The following STYX variants were observed in gnomAD, a reference collection of about 807,000 sequenced individuals.
STYX encodes the protein serine/threonine/tyrosine interacting protein.
In STYX, 20 loss-of-function variants were observed where a neutral mutation model predicts 42.7. The ratio of observed to expected loss-of-function variants is 0.47; its 90% CI spans 0.33 to 0.68. STYX has a LOEUF of 0.68. Among genes scored for constraint, STYX ranks in the 30% least tolerant of loss-of-function variants. The pLI, the probability that STYX is intolerant of heterozygous loss-of-function variation, is 0.02. For synonymous variants in STYX, 78 were observed against 81.9 expected, an observed-to-expected ratio of 0.95 and a Z score of 0.26; for missense variants, 226 against 268.5, an observed-to-expected ratio of 0.84 and a Z score of 1.11.
At chr14:52,756,493 T>A in intron 4 of STYX, 58 bp from the exon 5 acceptor site, 1 of 991,280 alleles carries the variant, frequency 1.0e-6, no homozygotes, top group East Asian at 2.6e-5. Context: ...GTTATTTTTT[T>A]AAAGTACCTT....
chr14:52,770,472 A>G (rs569360413), intron 10 of STYX, among the ~76,000 whole-genome samples: 2 of 152,186 alleles, frequency 1.3e-5, no homozygotes, highest in East Asian at 1.9e-4. Flanking sequence ...CTTTGATTCT[A>G]TGTGGGAGAT....
At position 52,751,724 on chromosome 14, in the gene STYX, A is replaced by T. The variant is rs149753434; in HGVS notation, c.242+944A>T. On this transcript the variant is annotated intron_variant, in intron 4 of 10. Transcript: ENST00000354586. Reference sequence around the variant, plus strand: ...TATTTTAACTTCATTTTTAAAATAGAGTATATTACGCATGGTACAAAAGTG... The same window carrying T: ...TATTTTAACTTCATTTTTAAAATAGTGTATATTACGCATGGTACAAAAGTG... 5.1e-3 allele frequency among the ~76,000 whole-genome samples: 776 copies of T among 152,340 alleles called. 5 individuals carry two copies. The highest frequency in any genetic ancestry group is 0.044 in the East Asian group (227 of 5,188).
chr14:52,764,055 C>T (rs1371779899), intron 9 of STYX, among the ~76,000 whole-genome samples: 2 of 151,860 alleles, frequency 1.3e-5, no homozygotes, highest in South Asian at 2.1e-4. Flanking sequence ...TGCAGTGGTG[C>T]GATCTCGGCT....
chr14:52,751,867 G>T (rs1040270154), intron 4 of STYX, among the ~76,000 whole-genome samples: 1 of 152,032 alleles, frequency 6.6e-6, no homozygotes, highest in Non-Finnish European at 1.5e-5. Flanking sequence ...AAGTATATAT[G>T]TTAAAAATAT....
intron 1 of STYX, chr14:52,731,795 G>C (rs1326863626): frequency 6.6e-6 from 1 of 151,926 alleles, no homozygotes; most frequent in East Asian, 1.9e-4. Context: ...AATTACATTT[G>C]TTTTAAGAGT....
intron 9 of STYX, among the ~76,000 whole-genome samples, chr14:52,764,075 C>G (rs1410590459): frequency 2.0e-5 from 3 of 152,132 alleles, no homozygotes; most frequent in Admixed American, 2.0e-4. Context: ...TCACTGCAAC[C>G]TCTGCCTCCT....
chr14:52,736,013 T>A (rs1880933848), intron 1 of STYX, among the ~76,000 whole-genome samples: 1 of 152,196 alleles, frequency 6.6e-6, no homozygotes, highest in Middle Eastern at 3.2e-3. Context: ...TCTGCATACC[T>A]CTCTAACCTC....
intron 9 of STYX, among the ~76,000 whole-genome samples, chr14:52,766,602 C>G (rs77690283): frequency 0.11 from 16,073 of 152,160 alleles, 903 homozygotes; most frequent in South Asian, 0.15. Flanking sequence ...GCCACTATAT[C>G]CGGCCAAGAT....
intron 1 of STYX, among the ~76,000 whole-genome samples, chr14:52,743,323 C>G (rs1034995724): frequency 9.2e-5 from 14 of 151,784 alleles, no homozygotes; most frequent in African/African-American, 3.4e-4. Context: ...AGCTCACTCC[C>G]GAAATCCCAG....
intron 2 of STYX, among the ~76,000 whole-genome samples, chr14:52,745,475 C>CT (rs1331968876): frequency 6.6e-6 from 1 of 152,154 alleles, no homozygotes; most frequent in Non-Finnish European, 1.5e-5. Flanking sequence ...AAATTGGATA[C>CT]TTTCTTTGTA....
At chr14:52,754,531 A>G (rs1456552022) in intron 4 of STYX, among the ~76,000 whole-genome samples, 2 of 152,246 alleles carry the variant, frequency 1.3e-5, no homozygotes, top group South Asian at 2.1e-4. Flanking sequence ...CTTATTCTTT[A>G]TAAGTACTTC....
intron 10 of STYX, among the ~76,000 whole-genome samples, chr14:52,770,265 T>C (rs1882460884): frequency 6.6e-6 from 1 of 152,154 alleles, no homozygotes; most frequent in African/African-American, 2.4e-5. Context: ...TAGTGAAACA[T>C]TCTTCAATTA....
At chr14:52,733,966 T>A (rs1404277558) in intron 1 of STYX, among the ~76,000 whole-genome samples, 3 of 152,180 alleles carry the variant, frequency 2.0e-5, no homozygotes, top group Non-Finnish European at 2.9e-5. Context: ...ACTTTCCCAT[T>A]GGCCATTCCA....
At chr14:52,732,455 A>G (rs1880770925) in intron 1 of STYX, among the ~76,000 whole-genome samples, 1 of 151,278 alleles carries the variant, frequency 6.6e-6, no homozygotes. Flanking sequence ...TTGTATTTTT[A>G]GTAGAGACGG....
At chr14:52,754,000 C>T (rs554200274) in intron 4 of STYX, among the ~76,000 whole-genome samples, 3 of 135,040 alleles carry the variant, frequency 2.2e-5, no homozygotes, top group South Asian at 2.4e-4. Context: ...GGCAATTCTT[C>T]TGCCTCAGCC....
At chr14:52,750,099 T>C (rs1881551043) in intron 3 of STYX, among the ~76,000 whole-genome samples, 1 of 152,224 alleles carries the variant, frequency 6.6e-6, no homozygotes. Flanking sequence ...ACTCAACCTG[T>C]ATTGAATATA....
Position 52,734,758 on chromosome 14 carries a change from AAAAG to A in STYX, c.57+4230_57+4233del, listed in dbSNP as rs1353003659. Among the ~76,000 whole-genome samples, 6 of 152,344 alleles carry A rather than the reference AAAAG, an allele frequency of 3.9e-5. No individual in the cohort carries two copies. In the South Asian group the frequency reaches 6.2e-4, roughly 16 times the overall value. ...GCAAGCAACAAAAACGAATTTAAGA[AAAAG>A]AAGAAGTAATTAAATCCGGCCGGGC... On this transcript the variant is annotated intron_variant, in intron 1 of 10. Coordinates refer to ENST00000354586, the MANE Select transcript of STYX (RefSeq NM_145251.4).
At chr14:52,758,023 T>G in intron 8 of STYX, 99 bp downstream of exon 8, 1 of 1,313,762 alleles carries the variant, frequency 7.6e-7, no homozygotes, top group East Asian at 2.4e-5. Flanking sequence ...TTCCCCTGAT[T>G]ATTTTTCATG....
intron 9 of STYX, among the ~76,000 whole-genome samples, chr14:52,766,598 A>C (rs1882310230): frequency 6.6e-6 from 1 of 152,196 alleles, no homozygotes; most frequent in Non-Finnish European, 1.5e-5. Flanking sequence ...ATGAGCCACT[A>C]TATCCGGCCA....
Sources: allele counts gnomAD v4.1 joint callset (sites outside exome capture counted in the v4.1 genomes callset), GRCh38; gene constraint gnomAD v4.1.1; transcripts MANE v1.5; gene names NCBI Gene and HGNC (gene_info 2026-07-23, HGNC 2026-07-21).